Variants in FGF14 observed in about 807,000 individuals in gnomAD.
The protein encoded by FGF14 is fibroblast growth factor 14, also known as fibroblast growth factor homologous factor 4.
In FGF14, 5 loss-of-function variants were observed where a neutral mutation model predicts 25.5. The observed-to-expected ratio is 0.20, with a 90% CI of 0.10 to 0.41. The LOEUF is 0.41. Among genes scored for constraint, FGF14 ranks in the 10% least tolerant of loss-of-function variants. The pLI, the probability that FGF14 is intolerant of heterozygous loss-of-function variation, is 1.00. For synonymous variants in FGF14, 138 were observed against 118.3 expected (o/e 1.17, Z -1.08); for missense variants, 222 against 320.1 (o/e 0.69, Z 2.34).
chr13:101,743,410 T>G (rs1188883458), intron 3 of FGF14, among the ~76,000 whole-genome samples: 1 of 152,142 alleles, frequency 6.6e-6, no homozygotes, highest in Non-Finnish European at 1.5e-5. Flanking sequence ...GGAGGAAAAT[T>G]TAAGGCTTTT....
chr13:102,276,638 C>T (rs544252136), intron 1 of FGF14, among the ~76,000 whole-genome samples: 142 of 152,016 alleles, frequency 9.3e-4, no homozygotes, highest in African/African-American at 3.1e-3. Context: ...GTAAGTGTCA[C>T]GGTATGCAGT....
chr13:101,806,953 C>T (rs78017297), intron 3 of FGF14, among the ~76,000 whole-genome samples: 2,024 of 152,048 alleles, frequency 0.013, 44 homozygotes, highest in African/African-American at 0.046. Flanking sequence ...TTTCATTTCT[C>T]TGGAATAAAA....
At chr13:101,773,004 A>G (rs968130432) in intron 3 of FGF14, among the ~76,000 whole-genome samples, 10 of 152,122 alleles carry the variant, frequency 6.6e-5, no homozygotes, top group Admixed American at 4.6e-4. Context: ...TCATGAAGCC[A>G]TTGTTTTTGA....
intron 1 of FGF14, among the ~76,000 whole-genome samples, chr13:102,396,888 A>G (rs905801988): frequency 2.0e-5 from 3 of 152,202 alleles, no homozygotes; most frequent in African/African-American, 7.2e-5. Context: ...TACAAAACCC[A>G]TTTTGTTACC....
At chr13:102,292,402 G>A (rs1487545217) in intron 1 of FGF14, 1 of 150,988 alleles carries the variant, frequency 6.6e-6, no homozygotes. Flanking sequence ...AATTTCTGAT[G>A]TAACAGGAAA....
chr13:102,389,873 C>T (rs1313462061), intron 1 of FGF14, among the ~76,000 whole-genome samples: 1 of 152,196 alleles, frequency 6.6e-6, no homozygotes, highest in Non-Finnish European at 1.5e-5. Context: ...AATCCCCTGT[C>T]TCTGACCCAG....
intron 1 of FGF14, among the ~76,000 whole-genome samples, chr13:102,220,749 T>C (rs995381051): frequency 6.6e-6 from 1 of 152,246 alleles, no homozygotes. Context: ...TTGCATTTAC[T>C]AATGTGCTCC....
chr13:101,938,967 G>T (rs992785678), intron 1 of FGF14, among the ~76,000 whole-genome samples: 2 of 152,144 alleles, frequency 1.3e-5, no homozygotes, highest in African/African-American at 2.4e-5. Flanking sequence ...TAATGGAGTG[G>T]GGATGAGCAC....
chr13:102,311,144 A>G (rs2055744834), intron 1 of FGF14, among the ~76,000 whole-genome samples: 4 of 152,124 alleles, frequency 2.6e-5, no homozygotes, highest in Admixed American at 2.6e-4. Flanking sequence ...TACATTCAGC[A>G]TGGTCCAAGG....
chr13:102,024,327 G>A (rs1426758077), intron 1 of FGF14, among the ~76,000 whole-genome samples: 1 of 152,016 alleles, frequency 6.6e-6, no homozygotes, highest in Non-Finnish European at 1.5e-5. Flanking sequence ...CTAGGAGTGG[G>A]AAGAGGTATC....
Position 101,940,099 on chromosome 13 carries a change from T to C in FGF14, c.209-64803A>G, listed in dbSNP as rs572479979. 4.5e-4 allele frequency among the ~76,000 whole-genome samples: 68 copies of C among 152,352 alleles called. 4 individuals are homozygous for C. The South Asian group carries it at 0.014, about 31-fold the overall frequency. On this transcript the variant is annotated intron_variant, in intron 1 of 4. Transcript: ENST00000376131. ...CTCTGGACCTGCAAAAGAGGACTTA[T>C]CTTGAATGATCTGGCTTCAAGTCCT... is the stretch of plus-strand genomic sequence containing the variant.
chr13:102,343,669 C>T (rs577722588), intron 1 of FGF14, among the ~76,000 whole-genome samples: 12 of 152,254 alleles, frequency 7.9e-5, no homozygotes, highest in Admixed American at 5.2e-4. Context: ...CCCCTTTCTA[C>T]GAATTCTATG....
At position 102,273,839 on chromosome 13, in the gene FGF14, T is replaced by C. The variant is rs898935118; in HGVS notation, c.208+127632A>G. ...CTGTAGTCTCAACTACTTAAAAGGC[T>C]GAGGTGGGAGAATTGCTTGAGCCCT... is the stretch of plus-strand genomic sequence containing the variant. On this transcript the variant is annotated intron_variant, in intron 1 of 4. Coordinates refer to the FGF14 transcript ENST00000376131. Among the ~76,000 whole-genome samples, 4 of 151,554 alleles carry C rather than the reference T, an allele frequency of 2.6e-5. 1 individual carries two copies.
At chr13:102,028,694 C>T (rs1177794952) in intron 1 of FGF14, among the ~76,000 whole-genome samples, 3 of 151,654 alleles carry the variant, frequency 2.0e-5, no homozygotes, top group African/African-American at 7.3e-5. Context: ...GTTTTCATGT[C>T]AGGGAATATG....
chr13:102,105,863 T>C (rs2044882452), intron 1 of FGF14, among the ~76,000 whole-genome samples: 1 of 152,236 alleles, frequency 6.6e-6, no homozygotes, highest in African/African-American at 2.4e-5. Flanking sequence ...ATAATGTGTT[T>C]GTTTTAAATT....
intron 3 of FGF14, among the ~76,000 whole-genome samples, chr13:101,861,477 C>A (rs548990749): frequency 2.2e-4 from 34 of 152,214 alleles, no homozygotes; most frequent in African/African-American, 8.2e-4. Flanking sequence ...GTTCTTTCCA[C>A]AGTTCCTCAG....
intron 1 of FGF14, among the ~76,000 whole-genome samples, chr13:102,295,250 A>G (rs1201059011): frequency 6.6e-6 from 1 of 152,158 alleles, no homozygotes; most frequent in Non-Finnish European, 1.5e-5. Flanking sequence ...AGCTCGGGGC[A>G]TGGAGATGTT....
At chr13:101,838,394 C>T (rs1216976048) in intron 3 of FGF14, among the ~76,000 whole-genome samples, 2 of 151,994 alleles carry the variant, frequency 1.3e-5, no homozygotes, top group Non-Finnish European at 2.9e-5. Context: ...CTTTGGGATG[C>T]TTGGCTCCAT....
chr13:101,949,328 G>A (rs2036011500), intron 1 of FGF14, among the ~76,000 whole-genome samples: 1 of 152,018 alleles, frequency 6.6e-6, no homozygotes, highest in Admixed American at 6.6e-5. Flanking sequence ...GACTTCCATG[G>A]TGACACAGTT....
Sources: gnomAD v4.1 joint callset for allele counts (sites outside exome capture counted in the v4.1 genomes callset) on GRCh38, gnomAD v4.1.1 for gene constraint, MANE v1.5 for transcripts, NCBI Gene and HGNC (gene_info 2026-07-23, HGNC 2026-07-21) for gene names.